The following SLAMF6 variants were observed in gnomAD, a reference collection of about 807,000 sequenced individuals.
The protein encoded by SLAMF6 is NK-T-B-antigen.
Under a neutral mutation model 38.3 loss-of-function variants are expected in SLAMF6, and 21 were observed. That is an observed-to-expected ratio of 0.55 (90% confidence interval 0.39 to 0.79). The LOEUF (loss-of-function observed/expected upper bound fraction) is 0.79. SLAMF6 is among the 30% of genes least tolerant of loss of function. The pLI is 0.00. For synonymous variants in SLAMF6, 152 were observed against 146.3 expected (o/e 1.04, Z -0.28); for missense variants, 341 against 385.3 (o/e 0.89, Z 0.96).
At chr1:160,515,739 A>T (rs1363424836) in intron 1 of SLAMF6, among the ~76,000 whole-genome samples, 2 of 152,234 alleles carry the variant, frequency 1.3e-5, no homozygotes. Context: ...TCATAAACAG[A>T]TCTAAAGACA....
chr1:160,510,821 G>A (rs181532729), intron 1 of SLAMF6, among the ~76,000 whole-genome samples: 14 of 152,256 alleles, frequency 9.2e-5, no homozygotes, highest in Admixed American at 6.5e-4. Flanking sequence ...ATAACATGAT[G>A]TTGAAAATAG....
At position 160,521,284 on chromosome 1, in the gene SLAMF6, T is replaced by A. The variant is rs116176885; in HGVS notation, c.49+1860A>T. ...AATGTGTTTCTCTTTCTATACCCAT[T>A]TCCCCCATAAATGTGGGGCAGTGAG... On this transcript the variant is annotated intron_variant, in intron 1 of 7. Coordinates refer to ENST00000368057, the MANE Select transcript of SLAMF6 (RefSeq NM_001184714.2). Among the ~76,000 whole-genome samples the A allele has an allele frequency of 6.8e-3, 1,035 of 152,284 alleles. 10 individuals carry two copies. The highest frequency in any genetic ancestry group is 8.4e-3 in the Non-Finnish European group (568 of 68,020).
intron 1 of SLAMF6, among the ~76,000 whole-genome samples, chr1:160,516,333 A>G (rs978101626): frequency 6.6e-6 from 1 of 152,172 alleles, no homozygotes; most frequent in East Asian, 1.9e-4. Flanking sequence ...ACTACAAACC[A>G]CTGCTCAAGG....
chr1:160,506,640 AT>A (rs1395809760), intron 1 of SLAMF6, among the ~76,000 whole-genome samples: 10 of 152,178 alleles, frequency 6.6e-5, no homozygotes, highest in Non-Finnish European at 1.3e-4. Context: ...GTATTCTTGC[AT>A]TTTTGCTTTG....
At chr1:160,522,384 G>T (rs919812621) in intron 1 of SLAMF6, among the ~76,000 whole-genome samples, 2 of 152,154 alleles carry the variant, frequency 1.3e-5, no homozygotes, top group African/African-American at 4.8e-5. Context: ...CTGCTACCCT[G>T]GGCTAGCTCT....
At chr1:160,518,447 G>A (rs1389863441) in intron 1 of SLAMF6, among the ~76,000 whole-genome samples, 2 of 151,952 alleles carry the variant, frequency 1.3e-5, no homozygotes, top group Non-Finnish European at 2.9e-5. Flanking sequence ...ATAAAGATAT[G>A]TGTATGTGCA....
intron 1 of SLAMF6, among the ~76,000 whole-genome samples, chr1:160,519,434 A>G (rs2102071516): frequency 6.6e-6 from 1 of 152,352 alleles, no homozygotes; most frequent in Middle Eastern, 3.4e-3. Context: ...GCATAGAATT[A>G]TATGATCTGA....
At chr1:160,488,982 TCCTC>T (rs1257833052) in intron 6 of SLAMF6, 102 bp downstream of exon 6, 5 of 1,036,028 alleles carry the variant, frequency 4.8e-6, no homozygotes, top group Middle Eastern at 2.0e-4. Context: ...GGCTGTCTTC[TCCTC>T]CCCTCAGTGG....
At chr1:160,504,034 A>AG (rs1553226081) in intron 1 of SLAMF6, among the ~76,000 whole-genome samples, 61 of 4,350 alleles carry the variant, frequency 0.014, 1 homozygote, top group African/African-American at 0.04. Flanking sequence ...AAAAAAAAAA[A>AG]GCAAAAGAAA....
intron 2 of SLAMF6, among the ~76,000 whole-genome samples, chr1:160,492,190 A>G (rs1208433797): frequency 6.6e-6 from 1 of 152,190 alleles, no homozygotes; most frequent in Non-Finnish European, 1.5e-5. Context: ...AGAAAAGGCC[A>G]CTGACTTAGC....
intron 6 of SLAMF6, among the ~76,000 whole-genome samples, chr1:160,487,962 C>T (rs750025105): frequency 6.6e-6 from 1 of 151,930 alleles, no homozygotes; most frequent in Middle Eastern, 3.4e-3. Flanking sequence ...TGATGGTGCT[C>T]GCCTGTAGTC....
At chr1:160,488,524 T>C (rs1484110812) in intron 6 of SLAMF6, among the ~76,000 whole-genome samples, 1 of 152,106 alleles carries the variant, frequency 6.6e-6, no homozygotes, top group Non-Finnish European at 1.5e-5. Context: ...ACATGACAGA[T>C]GAGTTGCTGA....
chr1:160,520,480 C>G (rs1373389273), intron 1 of SLAMF6, among the ~76,000 whole-genome samples: 1 of 152,152 alleles, frequency 6.6e-6, no homozygotes, highest in East Asian at 1.9e-4. Context: ...TCCCTATTCC[C>G]CAATCAGCAT....
rs142371684 is a variant in SLAMF6 at position 160,510,233 on chromosome 1, C to T, written c.49+12911G>A. ...AAATAGAAGAGGAGAAAAACACTTCCTAAGTCATTTTACTAGGTCAGCATT... is the reference window on the plus strand; with the variant it reads ...AAATAGAAGAGGAGAAAAACACTTCTTAAGTCATTTTACTAGGTCAGCATT... On this transcript the variant is annotated intron_variant, in intron 1 of 7. Coordinates refer to ENST00000368057, the MANE Select transcript of SLAMF6 (RefSeq NM_001184714.2). 2.6e-4 allele frequency among the ~76,000 whole-genome samples: 39 copies of T among 152,090 alleles called. No homozygotes were observed. The East Asian group carries it at 4.8e-3, about 19-fold the overall frequency.
At chr1:160,510,767 C>T (rs1012841259) in intron 1 of SLAMF6, among the ~76,000 whole-genome samples, 4 of 152,134 alleles carry the variant, frequency 2.6e-5, no homozygotes, top group Admixed American at 2.0e-4. Context: ...AAATAAAATG[C>T]ATCTCAATTG....
At chr1:160,520,498 A>G (rs1654935031) in intron 1 of SLAMF6, among the ~76,000 whole-genome samples, 1 of 152,184 alleles carries the variant, frequency 6.6e-6, no homozygotes, top group Non-Finnish European at 1.5e-5. Flanking sequence ...CATTTTAATA[A>G]GATTCCCCCA....
chr1:160,503,413 C>A (rs77721271), intron 1 of SLAMF6, among the ~76,000 whole-genome samples: 3,683 of 151,876 alleles, frequency 0.024, 79 homozygotes, highest in African/African-American at 0.056. Context: ...TTTGCCATTA[C>A]CTTCAATGGG....
rs934272542 is a variant in SLAMF6 at position 160,509,310 on chromosome 1, A to G, written c.50-12917T>C. ...AAAATGTGGCACATATATACCATAG[A>G]ATACTATGCAGCCATAAAAAAGGAA... On this transcript the variant is annotated intron_variant, in intron 1 of 7. Transcript: ENST00000368057. Among the ~76,000 whole-genome samples, 3 of 152,352 alleles carry G rather than the reference A, an allele frequency of 2.0e-5. No individual in the cohort carries two copies. The East Asian group carries it at 5.8e-4, about 29-fold the overall frequency.
At chr1:160,490,451 G>A (rs1653224018) in intron 4 of SLAMF6, 124 bp downstream of exon 4, 7 of 1,380,390 alleles carry the variant, frequency 5.1e-6, no homozygotes, top group Non-Finnish European at 6.9e-6. Flanking sequence ...GACTAGCTGA[G>A]CCAGGGTTTG....
Sources: allele counts gnomAD v4.1 joint callset (sites outside exome capture counted in the v4.1 genomes callset), GRCh38; gene constraint gnomAD v4.1.1; transcripts MANE v1.5; gene names NCBI Gene and HGNC (gene_info 2026-07-23, HGNC 2026-07-21).